GSE1: variants seen among roughly 807,000 people sequenced by gnomAD.
GSE1 encodes the protein Gse1 coiled-coil protein.
GSE1 carries 32 observed loss-of-function variants against 112.6 expected under a neutral mutation model. The observed-to-expected ratio is 0.28, with a 90% CI of 0.21 to 0.38. The LOEUF (loss-of-function observed/expected upper bound fraction) is 0.38, where lower values mean the gene tolerates loss of function less well. GSE1 is among the 10% of genes least tolerant of loss of function. The pLI is 1.00. For synonymous variants in GSE1, 1,115 were observed against 735.6 expected (o/e 1.52, Z -8.35); for missense variants, 2,348 against 1,699.2 (o/e 1.38, Z -6.71).
At chr16:85,421,269 C>A (rs552251996) in intron 2 of GSE1, among the ~76,000 whole-genome samples, 1 of 151,612 alleles carries the variant, frequency 6.6e-6, no homozygotes, top group East Asian at 1.9e-4. Context: ...CTGGGGGGGT[C>A]TCTCGGGCCC....
intron 2 of GSE1, among the ~76,000 whole-genome samples, chr16:85,452,647 T>A (rs571785012): frequency 1.4e-4 from 22 of 152,362 alleles, no homozygotes; most frequent in Non-Finnish European, 2.8e-4. Context: ...TTCCCACCTG[T>A]GGGAGGCCTG....
At chr16:85,256,502 G>A (rs1907092802) in intron 1 of GSE1, among the ~76,000 whole-genome samples, 1 of 152,202 alleles carries the variant, frequency 6.6e-6, no homozygotes, top group Non-Finnish European at 1.5e-5. Context: ...TGGCTGAGGT[G>A]CTCACTCGGG....
At chr16:85,616,366 C>A (rs1028147692) in intron 1 of GSE1, among the ~76,000 whole-genome samples, 1 of 152,230 alleles carries the variant, frequency 6.6e-6, no homozygotes, top group Non-Finnish European at 1.5e-5. Flanking sequence ...CTTTTCCCTG[C>A]CTCCAGGAGC....
At chr16:85,401,386 G>A (rs1420057500) in intron 2 of GSE1, among the ~76,000 whole-genome samples, 1 of 152,172 alleles carries the variant, frequency 6.6e-6, no homozygotes, top group Non-Finnish European at 1.5e-5. Context: ...CACCAGGGGT[G>A]GGGGCAGAAA....
intron 2 of GSE1, among the ~76,000 whole-genome samples, chr16:85,456,579 C>CATGTGTGT (rs1491195220): frequency 8.7e-5 from 8 of 91,476 alleles, no homozygotes; most frequent in African/African-American, 2.8e-4. Flanking sequence ...ATTTTCCTGC[C>CATGTGTGT]GTGTGTGTGT....
chr16:85,311,476 C>A lies in GSE1; in HGVS notation c.2284-45987C>A, dbSNP rs918432560. On this transcript the variant is annotated intron_variant, in intron 1 of 2. Transcript: ENST00000637419. This position sits in a 1 kb window ranked among gnomAD's most constrained non-coding sequence, Gnocchi z 4.2. The stretch of plus-strand genomic sequence containing the variant: ...GGGGACAGGACGTGGGCGGAGCCCT[C>A]GGCTGCCTCCCACCGTGGGACATTG... Among the ~76,000 whole-genome samples, 1 of 140,756 alleles carries A rather than the reference C, an allele frequency of 7.1e-6. No homozygotes were observed. The highest frequency in any genetic ancestry group is 2.5e-5 in the African/African-American group (1 of 39,614). 92.3% of individuals were successfully genotyped at this position (140,756 alleles called of 152,430 possible). A position where few individuals can be genotyped will look rare whatever the true frequency, so the allele number is the denominator to read the frequency against.
chr16:85,572,843 C>T (rs2046066140), intron 1 of GSE1, among the ~76,000 whole-genome samples: 3 of 152,184 alleles, frequency 2.0e-5, no homozygotes, highest in Admixed American at 2.0e-4. Context: ...GGAGAACCTG[C>T]AGATGATCAA....
intron 1 of GSE1, among the ~76,000 whole-genome samples, chr16:85,297,990 A>T (rs1004892732): frequency 2.6e-5 from 4 of 152,182 alleles, no homozygotes; most frequent in African/African-American, 9.7e-5. Context: ...AGCTCAGCTT[A>T]TTAAGGATTG....
intron 1 of GSE1, among the ~76,000 whole-genome samples, chr16:85,274,030 G>C (rs4494524): frequency 0.55 from 82,870 of 149,510 alleles, 23,853 homozygotes; most frequent in African/African-American, 0.7. Flanking sequence ...AAAAGTTCTG[G>C]AAGTAGATAG....
At position 85,648,548 on chromosome 16, in the gene GSE1, A is replaced by G; in HGVS notation, c.227-4A>G. On this transcript the variant is annotated splice_region_variant and splice_polypyrimidine_tract_variant and intron_variant, in intron 2 of 15. Coordinates refer to ENST00000253458, the MANE Select transcript of GSE1 (RefSeq NM_014615.5). ...CACTCAGGCCACCGTCTTCTCCTCC[A>G]CAGGGTCCTCACTGAGCAGCGAGTC... 2.6e-6 allele frequency: 4 copies of G among 1,518,942 alleles called. No homozygotes were observed. The highest frequency in any genetic ancestry group is 3.5e-6 in the Non-Finnish European group (4 of 1,127,040). 94.1% of individuals were successfully genotyped at this position (1,518,942 alleles called of 1,614,324 possible).
At chr16:85,512,141 GC>G in intron 2 of GSE1, among the ~76,000 whole-genome samples, 1 of 152,160 alleles carries the variant, frequency 6.6e-6, no homozygotes. Context: ...CCACAGCCTG[GC>G]TGGGCCCACC....
In GSE1 at chr16:85,663,395, G is replaced by A; in HGVS notation, c.2425G>A (p.Glu809Lys). 15 of 1,613,930 alleles carry A rather than the reference G, an allele frequency of 9.3e-6. No individual in the cohort carries two copies. Among genetic ancestry groups the A allele is most frequent in the Non-Finnish European group, 1.3e-5 (15 of 1,180,018 alleles). ...FGLTTQQQKE[E>K]LVAQKRRKRR... ...CTTGACCACCCAACAGCAGAAGGAG[G>A]AATTGGTGGCCCAGAAGCGGAGGAA... Residue 809 changes from glutamate (E) to lysine (K), a missense_variant, in exon 11 of 16, where the codon GAA becomes AAA. Transcript: ENST00000253458.
At chr16:85,552,626 T>C (rs983587554), upstream of GSE1, among the ~76,000 whole-genome samples, 123 of 152,292 alleles carry the variant, frequency 8.1e-4, no homozygotes, top group African/African-American at 2.9e-3. Context: ...GCCACCGCGC[T>C]CAGTCTCAGG....
At chr16:85,221,075 G>A (rs184785992) in intron 1 of GSE1, among the ~76,000 whole-genome samples, 263 of 151,912 alleles carry the variant, frequency 1.7e-3, no homozygotes, top group Middle Eastern at 3.4e-3. Flanking sequence ...GGAAAACCAG[G>A]CCCCCAGCCG....
chr16:85,506,731 A>T (rs538072599), intron 2 of GSE1, among the ~76,000 whole-genome samples: 50 of 150,130 alleles, frequency 3.3e-4, no homozygotes, highest in African/African-American at 1.2e-3. Flanking sequence ...GCCCTGTGCC[A>T]GCCACTGTCA....
chr16:85,603,672 T>A (rs1386851244), intron 1 of GSE1, among the ~76,000 whole-genome samples: 10 of 152,150 alleles, frequency 6.6e-5, no homozygotes, highest in East Asian at 1.9e-4. Context: ...TGGTTATTTT[T>A]TTATTATTAT....
chr16:85,462,487 C>T (rs2049995042), intron 2 of GSE1, among the ~76,000 whole-genome samples: 1 of 151,880 alleles, frequency 6.6e-6, no homozygotes, highest in Non-Finnish European at 1.5e-5. Flanking sequence ...AGCCCCAGCC[C>T]TGGGGATGGA....
rs1555563813 is a variant in GSE1, at chr16:85,331,543, G to GTGTGTATATGTGTATATGTGTGTATATA, written c.2284-25911_2284-25910insGTGTATATGTGTGTATATATGTGTATAT. Among the ~76,000 whole-genome samples the GTGTGTATATGTGTATATGTGTGTATATA allele has an allele frequency of 2.4e-5, 3 of 126,276 alleles. No individual in the cohort carries two copies. The South Asian group carries it at 7.8e-4, about 33-fold the overall frequency. 82.8% of individuals were successfully genotyped at this position (126,276 alleles called of 152,430 possible). On this transcript the variant is annotated intron_variant, in intron 1 of 2. Transcript: ENST00000637419. ...TGTATATATGTGTATATGTGTATAT[G>GTGTGTATATGTGTATATGTGTGTATATA]TGTGTATATATGTGTATATGTGTAT... is the stretch of plus-strand genomic sequence containing the variant.
intron 1 of GSE1, among the ~76,000 whole-genome samples, chr16:85,310,782 C>A (rs895650919): frequency 5.4e-5 from 8 of 148,924 alleles, no homozygotes; most frequent in African/African-American, 2.1e-4. Context: ...GGCCTGCGTC[C>A]CCCCCCCACC....
Sources: allele counts gnomAD v4.1 joint callset (sites outside exome capture counted in the v4.1 genomes callset), GRCh38; gene constraint gnomAD v4.1.1; non-coding constraint Gnocchi (gnomAD v3.1); transcripts MANE v1.5; gene names NCBI Gene and HGNC (gene_info 2026-07-23, HGNC 2026-07-21).